NPAS3: variants seen among roughly 807,000 people sequenced by gnomAD.
The protein encoded by NPAS3 is neuronal PAS domain protein 3, also known as neuronal PAS domain-containing protein 3.
A neutral mutation model predicts 73.1 loss-of-function variants in NPAS3; 14 were observed. The observed-to-expected ratio is 0.19, with a 90% CI of 0.13 to 0.30. The LOEUF is 0.30. NPAS3 is among the 10% of genes least tolerant of loss of function. The pLI, the probability that NPAS3 is intolerant of heterozygous loss-of-function variation, is 1.00. For missense variants in NPAS3, 1,096 were observed against 1,250.0 expected (o/e 0.88, Z 1.86); for synonymous variants, 620 against 541.5 (o/e 1.14, Z -2.01).
At chr14:33,120,559 G>C (rs2043200060) in intron 2 of NPAS3, among the ~76,000 whole-genome samples, 1 of 152,058 alleles carries the variant, frequency 6.6e-6, no homozygotes, top group Admixed American at 6.6e-5. Flanking sequence ...TTTTCATTGT[G>C]ATTTATTGAG....
At chr14:33,520,152 C>T (rs1185784565) in intron 4 of NPAS3, among the ~76,000 whole-genome samples, 5 of 152,182 alleles carry the variant, frequency 3.3e-5, no homozygotes, top group South Asian at 2.1e-4. Context: ...GATATTGGGT[C>T]GGGGTGAAGC....
intron 4 of NPAS3, among the ~76,000 whole-genome samples, chr14:33,546,438 A>T (rs918233054): frequency 6.6e-6 from 1 of 152,200 alleles, no homozygotes; most frequent in Non-Finnish European, 1.5e-5. Context: ...CATTAGTAAT[A>T]AGTTTCTTCC....
intron 3 of NPAS3, among the ~76,000 whole-genome samples, chr14:33,299,615 G>A (rs776585667): frequency 6.6e-6 from 1 of 151,856 alleles, no homozygotes. Context: ...GTGTGCTTAA[G>A]TCTGAGCTCA....
At chr14:33,208,095 T>C (rs2046897705) in intron 2 of NPAS3, among the ~76,000 whole-genome samples, 1 of 111,432 alleles carries the variant, frequency 9.0e-6, no homozygotes, top group African/African-American at 3.6e-5. Flanking sequence ...AATTACTTGA[T>C]AAAACTGCAG....
chr14:33,532,420 G>T (rs963897564), intron 4 of NPAS3, among the ~76,000 whole-genome samples: 3 of 152,060 alleles, frequency 2.0e-5, no homozygotes, highest in African/African-American at 7.2e-5. Flanking sequence ...CTCTTCAGCA[G>T]CTCTGGGATG....
chr14:33,344,015 C>A (rs889152674), intron 3 of NPAS3, among the ~76,000 whole-genome samples: 2 of 152,108 alleles, frequency 1.3e-5, no homozygotes, highest in African/African-American at 2.4e-5. Flanking sequence ...AGGAGAGTTC[C>A]CTTTACGTGT....
chr14:33,137,715 A>T lies in NPAS3; in HGVS notation c.141-77467A>T, dbSNP rs1202256882. Among the ~76,000 whole-genome samples the T allele has an allele frequency of 2.0e-5, 3 of 152,198 alleles. 1 individual carries two copies. The highest frequency in any genetic ancestry group is 4.4e-5 in the Non-Finnish European group (3 of 68,036). The stretch of plus-strand genomic sequence containing the variant: ...AATACTGTCAGTAATTTCTGGAGTT[A>T]ATTTAAATTTAACATCTCAAGAATG... On this transcript the variant is annotated intron_variant, in intron 2 of 11. Coordinates refer to ENST00000356141, the Ensembl canonical transcript of NPAS3.
chr14:33,034,000 A>G (rs1471879643), intron 1 of NPAS3, among the ~76,000 whole-genome samples: 1 of 152,348 alleles, frequency 6.6e-6, no homozygotes, highest in Non-Finnish European at 1.5e-5. Flanking sequence ...AAGTGATGAC[A>G]AATTTAAATC....
chr14:33,632,133 A>G (rs1225921710), intron 5 of NPAS3, among the ~76,000 whole-genome samples: 1 of 152,220 alleles, frequency 6.6e-6, no homozygotes, highest in Admixed American at 6.5e-5. Context: ...AACTAGCAGA[A>G]GAAGGCAAAG....
At chr14:33,248,044 G>A (rs1024898026) in intron 3 of NPAS3, among the ~76,000 whole-genome samples, 22 of 152,222 alleles carry the variant, frequency 1.4e-4, no homozygotes, top group Admixed American at 6.5e-4. Context: ...TTCAATCCAT[G>A]CAGGGCAAGA....
intron 1 of NPAS3, among the ~76,000 whole-genome samples, chr14:33,025,661 T>C (rs1013225326): frequency 6.6e-6 from 1 of 152,180 alleles, no homozygotes; most frequent in Non-Finnish European, 1.5e-5. Flanking sequence ...ATTTCCCCCT[T>C]ACTGTTCTCA....
intron 4 of NPAS3, among the ~76,000 whole-genome samples, chr14:33,468,959 G>A (rs2050655772): frequency 6.6e-6 from 1 of 152,176 alleles, no homozygotes; most frequent in African/African-American, 2.4e-5. Flanking sequence ...CTACAGGGGT[G>A]TTACCTAGGA....
chr14:33,077,913 T>C (rs180898931), intron 2 of NPAS3, among the ~76,000 whole-genome samples: 72 of 151,778 alleles, frequency 4.7e-4, no homozygotes, highest in African/African-American at 1.7e-3. Context: ...TTTGGGAAGC[T>C]GATTGCCTGA....
intron 4 of NPAS3, among the ~76,000 whole-genome samples, chr14:33,461,867 G>A (rs2050284471): frequency 6.6e-6 from 1 of 152,152 alleles, no homozygotes; most frequent in Admixed American, 6.5e-5. Context: ...CTGACACTCA[G>A]TTTCATCACT....
At chr14:33,117,339 T>C (rs2043101847) in intron 2 of NPAS3, among the ~76,000 whole-genome samples, 1 of 152,120 alleles carries the variant, frequency 6.6e-6, no homozygotes, top group Non-Finnish European at 1.5e-5. Flanking sequence ...CTTATAGACT[T>C]ACCTGAAACT....
intron 4 of NPAS3, among the ~76,000 whole-genome samples, chr14:33,371,898 T>A (rs1289755188): frequency 6.6e-6 from 1 of 152,168 alleles, no homozygotes; most frequent in Non-Finnish European, 1.5e-5. Context: ...TACGTGCATC[T>A]TAAAATTGAG....
intron 2 of NPAS3, among the ~76,000 whole-genome samples, chr14:33,197,992 GCTTCAGGA>G (rs1252366769): frequency 2.0e-5 from 3 of 152,288 alleles, no homozygotes; most frequent in Admixed American, 2.0e-4. Context: ...GGTCTCACTG[GCTTCAGGA>G]GTGAAGCTGC....
At chr14:33,475,651 C>T (rs150135968) in intron 4 of NPAS3, among the ~76,000 whole-genome samples, 468 of 152,046 alleles carry the variant, frequency 3.1e-3, no homozygotes, top group Non-Finnish European at 5.7e-3. Context: ...TCCATCAAGC[C>T]GTTGCTATAT....
intron 2 of NPAS3, among the ~76,000 whole-genome samples, chr14:33,068,713 T>C (rs2041367441): frequency 6.6e-6 from 1 of 152,130 alleles, no homozygotes; most frequent in South Asian, 2.1e-4. Flanking sequence ...TAATAGATGG[T>C]GACCATTAAA....
Sources: allele counts gnomAD v4.1 joint callset (sites outside exome capture counted in the v4.1 genomes callset), GRCh38; gene constraint gnomAD v4.1.1; transcripts MANE v1.5; gene names NCBI Gene and HGNC (gene_info 2026-07-23, HGNC 2026-07-21).